Variants in DOCK8 observed in about 807,000 individuals in gnomAD.
DOCK8 encodes dedicator of cytokinesis 8.
A neutral mutation model predicts 245.6 loss-of-function variants in DOCK8; 141 were observed. The ratio of observed to expected loss-of-function variants is 0.57; its 90% CI spans 0.50 to 0.66. DOCK8 has a LOEUF of 0.66. DOCK8 is among the 30% of genes least tolerant of loss of function. The pLI, the probability that DOCK8 is intolerant of heterozygous loss-of-function variation, is 0.00. For missense variants in DOCK8, 2,965 were observed against 2,603.4 expected (o/e 1.14, Z -3.02); for synonymous variants, 1,168 against 970.2 (o/e 1.20, Z -3.79).
rs368569393 is a variant in DOCK8, at chr9:399,234, A to G, written c.3209A>G (p.Asn1070Ser). The change falls in exon 26 of 48, where the codon AAC becomes AGC. Residue 1070 changes from asparagine (N) to serine (S), a missense_variant. This residue lies in a region of DOCK8 where 2,825 missense variants were observed against 2,453.5 expected (regional missense o/e 1.15). Transcript: ENST00000432829. ...LSLMDRGFVF[N>S]LIRHYCSQLS... ...CTCATGGATCGGGGCTTTGTGTTTA[A>G]CCTCATCAGACATTATTGCAGCCAG... The G allele has an allele frequency of 4.6e-5, 74 of 1,613,436 alleles. No homozygotes were observed. Among genetic ancestry groups the G allele is most frequent in the Admixed American group, 8.3e-5 (5 of 59,962 alleles).
At position 376,195 on chromosome 9, in the gene DOCK8, T is replaced by C. The variant is rs1586837495; in HGVS notation, c.2110-15T>C. 1 of 1,573,496 alleles carries C rather than the reference T, an allele frequency of 6.4e-7. No homozygotes were observed. The highest frequency in any genetic ancestry group is 8.7e-7 in the Non-Finnish European group (1 of 1,143,036). ...GAATTGGATTGCTAATCTTTTTTTT[T>C]TCTCTTTAACACAGAAAGTCCCATT... On this transcript the variant is annotated splice_polypyrimidine_tract_variant and intron_variant, in intron 18 of 47. Coordinates refer to ENST00000432829, the MANE Select transcript of DOCK8 (RefSeq NM_203447.4).
At chr9:397,829 TAAAAC>T (rs1034771716) in intron 25 of DOCK8, among the ~76,000 whole-genome samples, 6 of 152,210 alleles carry the variant, frequency 3.9e-5, no homozygotes, top group Non-Finnish European at 5.9e-5. Context: ...CATAGAATGA[TAAAAC>T]AAATGTAGCA....
At chr9:317,792 A>G (rs2050410596) in intron 7 of DOCK8, among the ~76,000 whole-genome samples, 2 of 152,330 alleles carry the variant, frequency 1.3e-5, no homozygotes, top group Non-Finnish European at 2.9e-5. Context: ...TTTTTTCAAG[A>G]GAAGCTGAAA....
chr9:447,862 G>A (rs2057312769), intron 44 of DOCK8, among the ~76,000 whole-genome samples: 1 of 152,174 alleles, frequency 6.6e-6, no homozygotes. Flanking sequence ...AGAAGCTGAA[G>A]AAAGCCTGAA....
intron 40 of DOCK8, among the ~76,000 whole-genome samples, chr9:440,576 A>G (rs934902050): frequency 6.6e-6 from 1 of 152,158 alleles, no homozygotes; most frequent in Non-Finnish European, 1.5e-5. Flanking sequence ...CTCAAACTCA[A>G]CAAAATGAAT....
chr9:234,291 T>G (rs2131383900), intron 1 of DOCK8, among the ~76,000 whole-genome samples: 1 of 152,352 alleles, frequency 6.6e-6, no homozygotes, highest in Middle Eastern at 3.4e-3. Context: ...GGCTTCCCTT[T>G]GTGGGTAACC....
chr9:237,196 T>C (rs2047272401), intron 1 of DOCK8, among the ~76,000 whole-genome samples: 1 of 152,232 alleles, frequency 6.6e-6, no homozygotes, highest in Admixed American at 6.5e-5. Flanking sequence ...ACTGTGTTGT[T>C]TTAGTCACAA....
intron 1 of DOCK8, among the ~76,000 whole-genome samples, chr9:270,361 G>C (rs765507256): frequency 6.6e-6 from 1 of 152,172 alleles, no homozygotes; most frequent in Non-Finnish European, 1.5e-5. Flanking sequence ...GGGAAAGAGA[G>C]ACACTTGTCC....
At chr9:289,885 T>A (rs2048968861) in intron 4 of DOCK8, among the ~76,000 whole-genome samples, 1 of 152,208 alleles carries the variant, frequency 6.6e-6, no homozygotes, top group Non-Finnish European at 1.5e-5. Context: ...CTATGGGTTT[T>A]GACAAATGTG....
chr9:451,856 CAT>C (rs1173562241), intron 45 of DOCK8, among the ~76,000 whole-genome samples, 153 bp from the exon 46 acceptor site: 6 of 135,720 alleles, frequency 4.4e-5, no homozygotes, highest in Non-Finnish European at 7.9e-5. Flanking sequence ...TGAATATATT[CAT>C]ATATATGTGT....
At chr9:461,107 C>T (rs1029565131) in intron 46 of DOCK8, among the ~76,000 whole-genome samples, 1 of 152,138 alleles carries the variant, frequency 6.6e-6, no homozygotes, top group African/African-American at 2.4e-5. Flanking sequence ...GTGTACCGTA[C>T]CGTGCAGGAG....
At chr9:291,478 G>A (rs949829517) in intron 4 of DOCK8, among the ~76,000 whole-genome samples, 2 of 151,972 alleles carry the variant, frequency 1.3e-5, no homozygotes, top group African/African-American at 4.8e-5. Context: ...TATCATTTTT[G>A]TAACATGCAT....
intron 28 of DOCK8, among the ~76,000 whole-genome samples, chr9:410,510 A>C (rs924841937): frequency 3.3e-5 from 5 of 152,222 alleles, no homozygotes; most frequent in Non-Finnish European, 4.4e-5. Flanking sequence ...AGCTGCCGTG[A>C]ACATGCCTGT....
At chr9:352,015 C>T (rs565180874) in intron 14 of DOCK8, among the ~76,000 whole-genome samples, 397 of 152,258 alleles carry the variant, frequency 2.6e-3, no homozygotes, top group Admixed American at 5.4e-3. Flanking sequence ...TGGTGGGCGT[C>T]GAGCATGTGG....
intron 9 of DOCK8, among the ~76,000 whole-genome samples, chr9:331,422 T>C (rs1190337084): frequency 6.6e-6 from 1 of 152,256 alleles, no homozygotes; most frequent in African/African-American, 2.4e-5. Flanking sequence ...AGTAGCCTCA[T>C]GCTGCTTCCT....
intron 34 of DOCK8, 50 bp downstream of exon 34, chr9:427,031 CT>C (rs2056529922): frequency 6.7e-7 from 1 of 1,501,698 alleles, no homozygotes; most frequent in Non-Finnish European, 9.2e-7. Flanking sequence ...AATATGTTTA[CT>C]AGAATAAGGA....
chr9:420,566 T>C lies in DOCK8; in HGVS notation c.4006T>C (p.Leu1336=), dbSNP rs111531534. Residue 1336 remains leucine, a synonymous_variant, in exon 31 of 48, where the codon TTA becomes CTA. Transcript: ENST00000432829. ...TTTAGATCTACTTTTCATCTGTGTG[T>C]TATGTTTTGAGTATAAGGTAAGTCT... The part of the protein sequence containing the change: ...RILDLLFICV[L]CFEYKGKQSS... The C allele has an allele frequency of 4.3e-6, 7 of 1,614,176 alleles. No individual in the cohort carries two copies. In the African/African-American group the frequency reaches 5.3e-5, roughly 12 times the overall value.
intron 39 of DOCK8, among the ~76,000 whole-genome samples, chr9:438,093 C>G (rs1464807371): frequency 6.6e-6 from 1 of 152,216 alleles, no homozygotes; most frequent in Non-Finnish European, 1.5e-5. Flanking sequence ...GAGCCTCCTC[C>G]TATATTCCTA....
Position 465,225 on chromosome 9 carries a change from A to G in DOCK8, c.*1006A>G, listed in dbSNP as rs898144169. 3 of 152,672 alleles carry G rather than the reference A, an allele frequency of 2.0e-5. No individual in the cohort carries two copies. The highest frequency in any genetic ancestry group is 4.4e-5 in the Non-Finnish European group (3 of 68,038). The allele number at this position is 152,672 out of a possible 1,614,324, so 9.5% of individuals were successfully genotyped here. A position where few individuals can be genotyped will look rare whatever the true frequency, so the allele number is the denominator to read the frequency against. ...TAATATGACTGTGACCTTGACTGAT[A>G]ATAAAGATGTAATAAGAATTGCAAG... is the stretch of plus-strand genomic sequence containing the variant. On this transcript the variant is annotated 3_prime_UTR_variant, in exon 48 of 48. Coordinates refer to ENST00000432829, the MANE Select transcript of DOCK8 (RefSeq NM_203447.4).
Sources: allele counts gnomAD v4.1 joint callset (sites outside exome capture counted in the v4.1 genomes callset), GRCh38; gene constraint gnomAD v4.1.1; regional missense constraint gnomAD v4.1.1; transcripts MANE v1.5; gene names NCBI Gene and HGNC (gene_info 2026-07-23, HGNC 2026-07-21).